The following ATP11B variants were observed in gnomAD, a reference collection of about 807,000 sequenced individuals.
The protein encoded by ATP11B is phospholipid-transporting ATPase IF.
A neutral mutation model predicts 157.8 loss-of-function variants in ATP11B; 81 were observed. The observed-to-expected ratio is 0.51, with a 90% confidence interval of 0.43 to 0.62. The LOEUF is 0.62. ATP11B is among the 20% of genes least tolerant of loss of function. The probability of loss-of-function intolerance (pLI) is 0.00; values close to 1 mark genes in which losing one functional copy is unlikely to be tolerated. For synonymous variants in ATP11B, 451 were observed against 469.4 expected, an observed-to-expected ratio of 0.96 and a Z score of 0.51; for missense variants, 1,165 against 1,402.2, an observed-to-expected ratio of 0.83 and a Z score of 2.70.
intron 1 of ATP11B, among the ~76,000 whole-genome samples, chr3:182,816,627 A>T (rs570279193): frequency 2.0e-4 from 31 of 152,234 alleles, no homozygotes; most frequent in Non-Finnish European, 4.0e-4. Flanking sequence ...TGAAACATAA[A>T]GATTCTCTTG....
chr3:182,841,260 A>C (rs1238247819), intron 7 of ATP11B, among the ~76,000 whole-genome samples: 1 of 152,222 alleles, frequency 6.6e-6, no homozygotes, highest in African/African-American at 2.4e-5. Context: ...AATATTTTCT[A>C]GTATACTGTG....
At chr3:182,856,031 C>T (rs1720372369) in intron 10 of ATP11B, among the ~76,000 whole-genome samples, 1 of 152,154 alleles carries the variant, frequency 6.6e-6, no homozygotes, top group Non-Finnish European at 1.5e-5. Context: ...CACTCTTGGG[C>T]ATTTAACTCA....
intron 25 of ATP11B, among the ~76,000 whole-genome samples, chr3:182,890,312 A>G (rs1723088851): frequency 6.6e-6 from 1 of 152,178 alleles, no homozygotes; most frequent in Non-Finnish European, 1.5e-5. Context: ...TTCCATTCCC[A>G]TCACTTAAGT....
At position 182,918,392 on chromosome 3, in the gene ATP11B, C is replaced by G. The variant is rs1288949653; in HGVS notation, c.*288C>G. On this transcript the variant is annotated 3_prime_UTR_variant, in exon 30 of 30. Coordinates refer to ENST00000323116, the MANE Select transcript of ATP11B (RefSeq NM_014616.3). ...ATGGGACTCCTAATGGCATTTCAGTCTGTTGCTGAGGCCATTATATTTTAA... is the reference window on the plus strand; with the variant it reads ...ATGGGACTCCTAATGGCATTTCAGTGTGTTGCTGAGGCCATTATATTTTAA... 2.5e-6 allele frequency: 1 copy of G among 403,496 alleles called. No homozygotes were observed. The highest frequency in any genetic ancestry group is 4.4e-6 in the Non-Finnish European group (1 of 229,518). 25.0% of individuals were successfully genotyped at this position (403,496 alleles called of 1,614,324 possible). A position where few individuals can be genotyped will look rare whatever the true frequency, so the allele number is the denominator to read the frequency against.
At chr3:182,863,644 TAGGA>T (rs919238830) in intron 12 of ATP11B, among the ~76,000 whole-genome samples, 2 of 152,010 alleles carry the variant, frequency 1.3e-5, no homozygotes, top group Non-Finnish European at 2.9e-5. Flanking sequence ...AAACAACTCT[TAGGA>T]AGGTTTACAG....
Position 182,900,262 on chromosome 3 carries a change from C to A in ATP11B, c.3318+1490C>A, listed in dbSNP as rs934392678. On this transcript the variant is annotated intron_variant, in intron 28 of 29. Coordinates refer to ENST00000323116, the MANE Select transcript of ATP11B (RefSeq NM_014616.3). ...TTGTTTCAACAGTTCATATCTGTGT[C>A]CTTGATCACTTCATAAGCCTCAGTT... Among the ~76,000 whole-genome samples, 6 of 152,128 alleles carry A rather than the reference C, an allele frequency of 3.9e-5. No homozygotes were observed. In the South Asian group the frequency reaches 1.2e-3, roughly 32 times the overall value.
intron 10 of ATP11B, among the ~76,000 whole-genome samples, chr3:182,851,031 A>G (rs1009192527): frequency 2.0e-5 from 3 of 152,184 alleles, no homozygotes; most frequent in African/African-American, 4.8e-5. Flanking sequence ...AGTGGCACAC[A>G]CCCGTAATCC....
chr3:182,869,370 A>T (rs1323180772), intron 17 of ATP11B, 39 bp downstream of exon 17: 1 of 1,277,898 alleles, frequency 7.8e-7, no homozygotes, highest in Non-Finnish European at 1.1e-6. Flanking sequence ...ACTCTAAAAG[A>T]TATATTTATG....
At chr3:182,794,617 A>G (rs1715484059) in intron 1 of ATP11B, among the ~76,000 whole-genome samples, 2 of 152,178 alleles carry the variant, frequency 1.3e-5, no homozygotes, top group Non-Finnish European at 2.9e-5. Flanking sequence ...AAATCTTAGA[A>G]AAGGGTCATT....
chr3:182,833,512 A>G (rs1718308226), intron 4 of ATP11B, among the ~76,000 whole-genome samples: 1 of 152,028 alleles, frequency 6.6e-6, no homozygotes, highest in South Asian at 2.1e-4. Flanking sequence ...TTTTTTTTGT[A>G]GAGACAGGGT....
intron 28 of ATP11B, among the ~76,000 whole-genome samples, chr3:182,902,320 A>G (rs1163610099): frequency 6.6e-6 from 1 of 152,234 alleles, no homozygotes; most frequent in Non-Finnish European, 1.5e-5. Flanking sequence ...GGCACAGCCA[A>G]CAGCCCTACA....
At chr3:182,801,586 G>A (rs986829617) in intron 1 of ATP11B, among the ~76,000 whole-genome samples, 2 of 152,090 alleles carry the variant, frequency 1.3e-5, no homozygotes, top group Non-Finnish European at 2.9e-5. Context: ...ATCGGCACAT[G>A]ACCAATCTTG....
At chr3:182,814,441 T>C (rs1042204819) in intron 1 of ATP11B, among the ~76,000 whole-genome samples, 2 of 152,128 alleles carry the variant, frequency 1.3e-5, no homozygotes, top group African/African-American at 4.8e-5. Flanking sequence ...ACTAGAGAAT[T>C]TAATCCATTG....
At chr3:182,914,527 G>A in intron 29 of ATP11B, 1 of 985,318 alleles carries the variant, frequency 1.0e-6, no homozygotes, top group Non-Finnish European at 1.2e-6. Context: ...TGTCTGTAAT[G>A]AAGTTTTGAA....
At chr3:182,793,847 G>A (rs1160740308) in intron 1 of ATP11B, 61 bp downstream of exon 1, 2 of 1,156,132 alleles carry the variant, frequency 1.7e-6, no homozygotes, top group Admixed American at 4.3e-5. Context: ...TCGGCCCGGG[G>A]TGGCGGGGAA....
At chr3:182,893,084 TA>T (rs1560119041) in intron 25 of ATP11B, among the ~76,000 whole-genome samples, 1 of 152,256 alleles carries the variant, frequency 6.6e-6, no homozygotes, top group Admixed American at 6.5e-5. Context: ...GGGCTTGTCT[TA>T]ATAATACAGT....
chr3:182,831,149 A>G (rs1718107165), intron 4 of ATP11B, among the ~76,000 whole-genome samples: 1 of 152,136 alleles, frequency 6.6e-6, no homozygotes, highest in Non-Finnish European at 1.5e-5. Flanking sequence ...TTGTCATCTC[A>G]CAAGAATCTC....
intron 18 of ATP11B, among the ~76,000 whole-genome samples, chr3:182,873,060 CT>C (rs1721781367): frequency 6.6e-6 from 1 of 152,320 alleles, no homozygotes; most frequent in Non-Finnish European, 1.5e-5. Flanking sequence ...ATTAAAAATT[CT>C]CTTCTTTGTG....
chr3:182,845,048 A>T (rs1719394333), intron 8 of ATP11B, among the ~76,000 whole-genome samples: 2 of 139,552 alleles, frequency 1.4e-5, no homozygotes, highest in African/African-American at 5.4e-5. Context: ...CTTGTCACCC[A>T]GGCTGGAGTG....
Sources: allele counts gnomAD v4.1 joint callset (sites outside exome capture counted in the v4.1 genomes callset), GRCh38; gene constraint gnomAD v4.1.1; transcripts MANE v1.5; gene names NCBI Gene and HGNC (gene_info 2026-07-23, HGNC 2026-07-21).